The following CTNS variants were observed in gnomAD, a reference collection of about 807,000 sequenced individuals.
CTNS encodes the protein cystinosin.
A neutral mutation model predicts 43.7 loss-of-function variants in CTNS; 27 were observed. The ratio of observed to expected loss-of-function variants is 0.62; its 90% CI spans 0.46 to 0.85. The LOEUF (loss-of-function observed/expected upper bound fraction) is 0.85, where lower values mean the gene tolerates loss of function less well. Among genes scored for constraint, CTNS ranks in the 40% least tolerant of loss-of-function variants. CTNS has a pLI of 0.00. For missense variants in CTNS, 457 were observed against 475.4 expected, an observed-to-expected ratio of 0.96 and a Z score of 0.36; for synonymous variants, 187 against 190.6, an observed-to-expected ratio of 0.98 and a Z score of 0.16.
chr17:3,655,200 G>A lies in CTNS; in HGVS notation c.330-21G>A, dbSNP rs762012109. The A allele has an allele frequency of 3.5e-5, 56 of 1,614,016 alleles. 1 individual carries two copies. Among genetic ancestry groups the A allele is most frequent in the South Asian group, 2.4e-4 (22 of 91,076 alleles). ...CAGAAGCCCAGCCTCAGCTCATCCC[G>A]GTCCCCAAACTCCTTTCCAGCCCGA... On this transcript the variant is annotated intron_variant, in intron 6 of 11. Transcript: ENST00000046640.
In CTNS at chr17:3,660,548, C is replaced by T. The variant is rs1269178801; in HGVS notation, c.*179C>T. 6.2e-6 allele frequency: 10 copies of T among 1,612,682 alleles called. No individual in the cohort carries two copies. The highest frequency in any genetic ancestry group is 8.5e-6 in the Non-Finnish European group (10 of 1,179,994). On this transcript the variant is annotated 3_prime_UTR_variant, in exon 12 of 12. Coordinates refer to ENST00000046640, the MANE Select transcript of CTNS (RefSeq NM_004937.3). ...ATTCAATAGCCTGCCTTCGTCCGGG[C>T]CCCTCCTGGGCCTCCCCGGCCAGGC...
intron 9 of CTNS, 100 bp from the exon 10 acceptor site, chr17:3,657,905 C>G: frequency 7.2e-7 from 1 of 1,392,170 alleles, no homozygotes; most frequent in Non-Finnish European, 1.0e-6. Flanking sequence ...GGTCCAGCCT[C>G]CGTGCCCCTC....
chr17:3,639,296 G>A (rs946047016), intron 2 of CTNS, among the ~76,000 whole-genome samples: 1 of 152,176 alleles, frequency 6.6e-6, no homozygotes, highest in Non-Finnish European at 1.5e-5. Context: ...ACTAAACCAA[G>A]GACTTGCTCT....
chr17:3,641,477 C>A (rs1250581452), intron 3 of CTNS, among the ~76,000 whole-genome samples: 1 of 143,748 alleles, frequency 7.0e-6, no homozygotes, highest in Admixed American at 7.3e-5. Context: ...CTGCAACCTC[C>A]ACCTCCCGGG....
intron 3 of CTNS, 62 bp from the exon 4 acceptor site, chr17:3,647,381 GT>G: frequency 6.8e-7 from 1 of 1,466,332 alleles, no homozygotes; most frequent in Non-Finnish European, 9.6e-7. Flanking sequence ...TTTCGGCCCA[GT>G]TTTCTGTCAC....
At position 3,648,940 on chromosome 17, in the gene CTNS, C is replaced by A. The variant is rs779694812; in HGVS notation, c.225+9C>A. ...TTGAGCTCCCCGATGAAGTAAGTAACCAATCTTAACGGATGGGTAGGGAAA... is the reference window on the plus strand; with the variant it reads ...TTGAGCTCCCCGATGAAGTAAGTAAACAATCTTAACGGATGGGTAGGGAAA... On this transcript the variant is annotated intron_variant, in intron 5 of 11. Coordinates refer to ENST00000046640, the MANE Select transcript of CTNS (RefSeq NM_004937.3). 11 of 1,595,008 alleles carry A rather than the reference C, an allele frequency of 6.9e-6. No individual in the cohort carries two copies. Among genetic ancestry groups the A allele is most frequent in the African/African-American group, 1.3e-5 (1 of 74,524 alleles).
At chr17:3,650,169 T>A (rs1271259941) in intron 5 of CTNS, 4 of 1,550,146 alleles carry the variant, frequency 2.6e-6, no homozygotes, top group Non-Finnish European at 3.5e-6. Context: ...GATACCTTAA[T>A]AAAGCTGGTG....
In CTNS at chr17:3,660,690, T is replaced by A; in HGVS notation, c.*321T>A. 6.2e-7 allele frequency: 1 copy of A among 1,613,548 alleles called. No homozygotes were observed. The highest frequency in any genetic ancestry group is 8.5e-7 in the Non-Finnish European group (1 of 1,179,960). Reference sequence around the variant, plus strand: ...GGCACCAAGCTTGCAGCCGAAGGCCTTGCCCCAAACTACCAGCGTTTCTGC... The same window carrying A: ...GGCACCAAGCTTGCAGCCGAAGGCCATGCCCCAAACTACCAGCGTTTCTGC... On this transcript the variant is annotated 3_prime_UTR_variant, in exon 12 of 12. Transcript: ENST00000046640.
intron 3 of CTNS, among the ~76,000 whole-genome samples, chr17:3,646,801 G>A (rs545096825): frequency 7.5e-4 from 114 of 152,158 alleles, no homozygotes; most frequent in Non-Finnish European, 1.2e-3. Flanking sequence ...GGGCCTGTTT[G>A]TCAACTTGAT....
intron 10 of CTNS, among the ~76,000 whole-genome samples, chr17:3,658,888 G>A (rs161399): frequency 0.95 from 144,425 of 152,168 alleles, 68,975 homozygotes; most frequent in Non-Finnish European, 1. Context: ...GGCGGGACAC[G>A]GGGCGGCAGT....
intron 10 of CTNS, among the ~76,000 whole-genome samples, chr17:3,659,296 GC>G (rs767440803): frequency 1.3e-5 from 2 of 152,048 alleles, no homozygotes; most frequent in Non-Finnish European, 2.9e-5. Context: ...CCGCAGACCC[GC>G]CCCCCCAACC....
intron 10 of CTNS, among the ~76,000 whole-genome samples, 175 bp downstream of exon 10, chr17:3,658,350 C>T (rs1294999224): frequency 6.6e-6 from 1 of 152,194 alleles, no homozygotes; most frequent in Non-Finnish European, 1.5e-5. Context: ...TGCCGCTCTT[C>T]CCCCGGGGCT....
chr17:3,661,742 C>T lies in CTNS; in HGVS notation c.*1373C>T, dbSNP rs376097559. Among the ~76,000 whole-genome samples the T allele has an allele frequency of 6.6e-6, 1 of 152,194 alleles. No homozygotes were observed. The highest frequency in any genetic ancestry group is 1.5e-5 in the Non-Finnish European group (1 of 68,036). On this transcript the variant is annotated 3_prime_UTR_variant, in exon 12 of 12. Coordinates refer to ENST00000046640, the MANE Select transcript of CTNS (RefSeq NM_004937.3). ...AGGGCCAGGTCAGTCTCCCAGGCTC[C>T]GTGTCTTCACGGTTACCAGGGCACG...
In CTNS at chr17:3,660,495, G is replaced by C. The variant is rs2076259470; in HGVS notation, c.*126G>C. On this transcript the variant is annotated 3_prime_UTR_variant, in exon 12 of 12. Transcript: ENST00000046640. ...GCTGGCTCAGTGTGCGGACAGAGGA[G>C]ACCACTCTGCTCCTGGGGCCAGAGG... The C allele has an allele frequency of 6.2e-7, 1 of 1,612,406 alleles. No homozygotes were observed. The highest frequency in any genetic ancestry group is 1.3e-5 in the African/African-American group (1 of 74,946).
chr17:3,641,355 G>GAT (rs1329463765), intron 3 of CTNS, among the ~76,000 whole-genome samples: 5 of 64,022 alleles, frequency 7.8e-5, no homozygotes, highest in African/African-American at 3.3e-4. Context: ...ACAAAAATCA[G>GAT]ATACATATAT....
chr17:3,641,359 C>CATAT (rs1234064483), intron 3 of CTNS, among the ~76,000 whole-genome samples: 15 of 21,112 alleles, frequency 7.1e-4, no homozygotes, highest in African/African-American at 2.3e-3. Context: ...AAATCAGATA[C>CATAT]ATATATATAT....
intron 5 of CTNS, chr17:3,650,076 T>A (rs2075942616): frequency 1.6e-5 from 23 of 1,464,478 alleles, no homozygotes; most frequent in Non-Finnish European, 2.1e-5. Context: ...ATTAATTAGC[T>A]TGATTTAGTC....
At chr17:3,644,732 G>A (rs1014024501) in intron 3 of CTNS, among the ~76,000 whole-genome samples, 1 of 152,116 alleles carries the variant, frequency 6.6e-6, no homozygotes, top group Middle Eastern at 3.2e-3. Context: ...CCAAAATGCT[G>A]GGATTACAGG....
intron 10 of CTNS, 53 bp from the exon 11 acceptor site, chr17:3,659,805 C>T: frequency 7.3e-7 from 1 of 1,371,854 alleles, no homozygotes; most frequent in Admixed American, 1.7e-5. Flanking sequence ...GCGCATGAGG[C>T]AGCCGCCCAG....
Sources: gnomAD v4.1 joint callset for allele counts (sites outside exome capture counted in the v4.1 genomes callset) on GRCh38, gnomAD v4.1.1 for gene constraint, MANE v1.5 for transcripts, NCBI Gene and HGNC (gene_info 2026-07-23, HGNC 2026-07-21) for gene names.